Variants in COL4A4 observed in about 807,000 individuals in gnomAD.
COL4A4 encodes the protein collagen type IV alpha 4 chain, also known as collagen alpha-4(IV) chain.
Under a neutral mutation model 192.9 loss-of-function variants are expected in COL4A4, and 105 were observed. That is an observed-to-expected ratio of 0.54 (90% CI 0.46 to 0.64). The LOEUF is 0.64. Among genes scored for constraint, COL4A4 ranks in the 30% least tolerant of loss-of-function variants. The pLI is 0.00. For synonymous variants in COL4A4, 762 were observed against 769.9 expected (o/e 0.99, Z 0.17); for missense variants, 1,967 against 2,169.3 (o/e 0.91, Z 1.85).
chr2:226,987,737 G>A, the COL4A4 span, among the ~76,000 whole-genome samples: 1 of 152,330 alleles, frequency 6.6e-6, no homozygotes, highest in African/African-American at 2.4e-5. Context: ...TCTGGTTGAA[G>A]TGAATTCATT....
chr2:226,989,734 G>A, the COL4A4 span, among the ~76,000 whole-genome samples: 9 of 152,140 alleles, frequency 5.9e-5, no homozygotes, highest in African/African-American at 2.2e-4. Context: ...ATTATGGCCT[G>A]TTGATTTTAA....
chr2:226,974,580 C>A, the COL4A4 span, among the ~76,000 whole-genome samples: 1 of 152,178 alleles, frequency 6.6e-6, no homozygotes, highest in Non-Finnish European at 1.5e-5. Flanking sequence ...GTATTAACTT[C>A]TTTAGAGTCA....
intron 25 of COL4A4, among the ~76,000 whole-genome samples, chr2:227,066,877 A>C (rs1446772348): frequency 2.0e-5 from 3 of 151,924 alleles, no homozygotes; most frequent in Non-Finnish European, 4.4e-5. Flanking sequence ...TATTAACTTT[A>C]AATGTAAATG....
intron 25 of COL4A4, among the ~76,000 whole-genome samples, chr2:227,077,517 A>T (rs1436900726): frequency 6.6e-6 from 1 of 152,156 alleles, no homozygotes; most frequent in Non-Finnish European, 1.5e-5. Flanking sequence ...AAGGGGAAGG[A>T]GAGCATTAGG....
rs777337773 is a variant in COL4A4 at position 227,114,551 on chromosome 2, C to G, written c.558+77G>C. The G allele has an allele frequency of 2.7e-5, 31 of 1,137,790 alleles. No individual in the cohort carries two copies. The South Asian group carries it at 2.8e-4, about 10-fold the overall frequency. The allele number at this position is 1,137,790 out of a possible 1,614,324, so 70.5% of individuals were successfully genotyped here. A position where few individuals can be genotyped will look rare whatever the true frequency, so the allele number is the denominator to read the frequency against. ...TTCAGGGACATTTTGAAGAAAAATC[C>G]TGTCTGAGTATTTCCTGCATGGGCT... On this transcript the variant is annotated intron_variant, in intron 8 of 47. Transcript: ENST00000396625.
intron 17 of COL4A4, among the ~76,000 whole-genome samples, chr2:227,100,468 T>G (rs929919632): frequency 1.3e-5 from 2 of 152,068 alleles, no homozygotes; most frequent in East Asian, 3.8e-4. Context: ...ATGATAAAAA[T>G]AATAAAACAA....
chr2:227,007,636 C>T, intron 47 of COL4A4, 48 bp from the exon 48 acceptor site: 3 of 1,611,082 alleles, frequency 1.9e-6, no homozygotes, highest in Non-Finnish European at 2.5e-6. Flanking sequence ...ACACAGACAA[C>T]CCCAGACCCA....
chr2:227,147,081 A>G (rs554009023), intron 2 of COL4A4, among the ~76,000 whole-genome samples: 5 of 152,298 alleles, frequency 3.3e-5, no homozygotes, highest in Admixed American at 2.6e-4. Context: ...GTACTTGTGA[A>G]GTAGTCTGTC....
chr2:227,066,412 T>C (rs902247112), intron 25 of COL4A4, among the ~76,000 whole-genome samples: 2 of 151,504 alleles, frequency 1.3e-5, no homozygotes, highest in Non-Finnish European at 3.0e-5. Context: ...GACACATAAT[T>C]GTCAGATTCA....
intron 36 of COL4A4, 57 bp from the exon 37 acceptor site, chr2:227,042,312 T>G: frequency 1.0e-6 from 1 of 965,758 alleles, no homozygotes; most frequent in Non-Finnish European, 1.7e-6. Flanking sequence ...TTACATTCAC[T>G]GCAAAAGTCA....
intron 12 of COL4A4, among the ~76,000 whole-genome samples, chr2:227,106,814 C>T (rs142063480): frequency 2.0e-5 from 3 of 152,222 alleles, no homozygotes; most frequent in African/African-American, 4.8e-5. Flanking sequence ...GATCCACCCA[C>T]CTCGGCCTCC....
chr2:226,988,538 G>A, the COL4A4 span: 3 of 1,453,940 alleles, frequency 2.1e-6, no homozygotes, highest in Non-Finnish European at 2.7e-6. Flanking sequence ...CACTGTGCCA[G>A]GCTGGCCCTC....
chr2:227,060,046 G>A, intron 27 of COL4A4, 90 bp downstream of exon 27: 1 of 840,000 alleles, frequency 1.2e-6, no homozygotes, highest in Non-Finnish European at 1.8e-6. Context: ...TTTCCTCAAT[G>A]AAATTATCCA....
chr2:226,994,523 G>A, the COL4A4 span, among the ~76,000 whole-genome samples: 1 of 152,200 alleles, frequency 6.6e-6, no homozygotes, highest in Non-Finnish European at 1.5e-5. Flanking sequence ...GCCTTTCAGT[G>A]CAAATTACCA....
chr2:227,114,727 G>A (rs1246262009), intron 7 of COL4A4, 31 bp from the exon 8 acceptor site: 1 of 1,506,346 alleles, frequency 6.6e-7, no homozygotes, highest in South Asian at 1.1e-5. Flanking sequence ...TACTTAACAG[G>A]AAAATAGCAT....
chr2:227,099,798 A>G, intron 17 of COL4A4, 109 bp from the exon 18 acceptor site: 1 of 932,844 alleles, frequency 1.1e-6, no homozygotes. Flanking sequence ...TAAGAAGCAG[A>G]GATTATAGGC....
At chr2:227,098,276 T>C (rs1249038661) in intron 19 of COL4A4, among the ~76,000 whole-genome samples, 1 of 152,150 alleles carries the variant, frequency 6.6e-6, no homozygotes, top group Non-Finnish European at 1.5e-5. Context: ...TGGGAAAACA[T>C]GGGGAAACAC....
chr2:227,158,307 A>C (rs189514864), intron 1 of COL4A4, among the ~76,000 whole-genome samples: 1 of 152,138 alleles, frequency 6.6e-6, no homozygotes, highest in South Asian at 2.1e-4. Flanking sequence ...AATTTAATGA[A>C]TCCTTATCTC....
intron 25 of COL4A4, among the ~76,000 whole-genome samples, chr2:227,062,864 T>C (rs1321705602): frequency 1.3e-5 from 2 of 152,220 alleles, no homozygotes; most frequent in Non-Finnish European, 2.9e-5. Flanking sequence ...TAAGTTTCAA[T>C]AATCTATAAA....
Sources: allele counts gnomAD v4.1 joint callset (sites outside exome capture counted in the v4.1 genomes callset), GRCh38; gene constraint gnomAD v4.1.1; transcripts MANE v1.5; gene names NCBI Gene and HGNC (gene_info 2026-07-23, HGNC 2026-07-21).